Variants in SHCBP1 observed in about 807,000 individuals in gnomAD.
The protein encoded by SHCBP1 is SHC SH2 domain-binding protein 1.
SHCBP1 carries 60 observed loss-of-function variants against 75.1 expected under a neutral mutation model. The observed-to-expected ratio is 0.80, with a 90% CI of 0.65 to 0.99. The LOEUF is 0.99. Ranked by LOEUF, SHCBP1 falls within the 50% of genes least tolerant of loss-of-function variation. SHCBP1 has a pLI of 0.00. For synonymous variants in SHCBP1, 290 were observed against 293.2 expected (o/e 0.99, Z 0.11); for missense variants, 709 against 809.4 (o/e 0.88, Z 1.50).
chr16:46,615,014 C>T (rs1235815672), intron 4 of SHCBP1, among the ~76,000 whole-genome samples: 1 of 152,170 alleles, frequency 6.6e-6, no homozygotes. Context: ...ACCTCTCCTC[C>T]ACCTGTTTTG....
chr16:46,590,107 G>C (rs933742487), intron 10 of SHCBP1, among the ~76,000 whole-genome samples: 30 of 152,274 alleles, frequency 2.0e-4, no homozygotes, highest in African/African-American at 7.0e-4. Context: ...TGGGAAAACT[G>C]GCTAGTCATA....
chr16:46,586,263 A>T (rs1964953272), intron 10 of SHCBP1, among the ~76,000 whole-genome samples: 1 of 152,226 alleles, frequency 6.6e-6, no homozygotes. Flanking sequence ...CTCAGCAAAG[A>T]AGTAGATGAT....
rs1048843986 is a variant in SHCBP1 at position 46,595,732 on chromosome 16, T to G, written c.1346-62A>C. ...AATGTGCCTTTTCCAATGTTAGAGATAGCCTCGCGCTGACATTAGCTATGG... is the reference window on the plus strand; with the variant it reads ...AATGTGCCTTTTCCAATGTTAGAGAGAGCCTCGCGCTGACATTAGCTATGG... On this transcript the variant is annotated intron_variant, in intron 9 of 12. Transcript: ENST00000303383. The G allele has an allele frequency of 9.9e-6, 12 of 1,213,368 alleles. No homozygotes were observed. In the Admixed American group the frequency reaches 1.4e-4, roughly 15 times the overall value. The allele number at this position is 1,213,368 out of a possible 1,614,324, so 75.2% of individuals were successfully genotyped here. A position where few individuals can be genotyped will look rare whatever the true frequency, so the allele number is the denominator to read the frequency against.
intron 5 of SHCBP1, among the ~76,000 whole-genome samples, chr16:46,606,832 T>G (rs1965333190): frequency 6.6e-6 from 1 of 152,106 alleles, no homozygotes; most frequent in Non-Finnish European, 1.5e-5. Flanking sequence ...ACTTTTTTTT[T>G]TTTTTTGAGA....
chr16:46,584,336 G>A (rs1270192259), intron 10 of SHCBP1: 3 of 279,778 alleles, frequency 1.1e-5, no homozygotes, highest in African/African-American at 6.6e-5. Flanking sequence ...CACACGCTAA[G>A]AGTGCCAACA....
Position 46,582,120 on chromosome 16 carries a change from C to A in SHCBP1, c.1694-66G>T, listed in dbSNP as rs1964882147. The A allele has an allele frequency of 6.1e-6, 9 of 1,471,158 alleles. No individual in the cohort carries two copies. The South Asian group carries it at 1.1e-4, about 18-fold the overall frequency. 91.1% of individuals were successfully genotyped at this position (1,471,158 alleles called of 1,614,324 possible). ...GCTAACCCAACAAAAACATATATTTCTACACAGTCTTCTCAACAAGCAGCT... is the reference window on the plus strand; with the variant it reads ...GCTAACCCAACAAAAACATATATTTATACACAGTCTTCTCAACAAGCAGCT... On this transcript the variant is annotated intron_variant, in intron 12 of 12. Coordinates refer to ENST00000303383, the MANE Select transcript of SHCBP1 (RefSeq NM_024745.5).
chr16:46,590,649 TTAAAA>T (rs1965031076), intron 10 of SHCBP1, among the ~76,000 whole-genome samples: 1 of 152,148 alleles, frequency 6.6e-6, no homozygotes, highest in East Asian at 1.9e-4. Context: ...ATGGTGATCA[TTAAAA>T]AGTCAGGAAG....
At chr16:46,614,122 T>C (rs1490600470) in intron 4 of SHCBP1, among the ~76,000 whole-genome samples, 1 of 152,198 alleles carries the variant, frequency 6.6e-6, no homozygotes, top group East Asian at 1.9e-4. Flanking sequence ...ATTTTGGTTC[T>C]GGACAGAAAC....
At chr16:46,599,712 A>AAAAC in intron 9 of SHCBP1, 119 bp downstream of exon 9, 2 of 378,936 alleles carry the variant, frequency 5.3e-6, no homozygotes, top group South Asian at 6.7e-5. Flanking sequence ...GTGAAGTGCA[A>AAAAC]TAAAACAAGG....
In SHCBP1 at chr16:46,610,247, C is replaced by T. The variant is rs2143001371; in HGVS notation, c.597-1858G>A. On this transcript the variant is annotated intron_variant, in intron 4 of 12. Coordinates refer to ENST00000303383, the MANE Select transcript of SHCBP1 (RefSeq NM_024745.5). ...TATTTTGAACCAATCTCACACACAT[C>T]AAATCATTCACAAATTTTTAGTATG... is the stretch of plus-strand genomic sequence containing the variant. Among the ~76,000 whole-genome samples the T allele has an allele frequency of 1.3e-5, 2 of 152,242 alleles. 1 individual carries two copies. The highest frequency in any genetic ancestry group is 4.1e-4 in the South Asian group (2 of 4,824).
chr16:46,584,360 C>A, intron 10 of SHCBP1: 1 of 254,258 alleles, frequency 3.9e-6, no homozygotes. Flanking sequence ...GATTCTTGCT[C>A]TACTCTCTTT....
At chr16:46,584,233 AT>A in intron 10 of SHCBP1, 144 bp from the exon 11 acceptor site, 2 of 513,404 alleles carry the variant, frequency 3.9e-6, no homozygotes, top group Non-Finnish European at 3.4e-6. Context: ...TTTACCAGCC[AT>A]TTTTAATCAA....
At chr16:46,598,823 G>T (rs977643817) in intron 9 of SHCBP1, among the ~76,000 whole-genome samples, 2 of 152,162 alleles carry the variant, frequency 1.3e-5, no homozygotes, top group Non-Finnish European at 1.5e-5. Context: ...CACCTTCATC[G>T]ATTACCTTAG....
rs1441339897 is a variant in SHCBP1 at position 46,609,530 on chromosome 16, C to T, written c.597-1141G>A. ...GCAGTGGCGCCATCTTGGCTCACTG[C>T]AACCTCTGCCTCCTGGGTTCGAGCA... On this transcript the variant is annotated intron_variant, in intron 4 of 12. Coordinates refer to ENST00000303383, the MANE Select transcript of SHCBP1 (RefSeq NM_024745.5). Among the ~76,000 whole-genome samples the T allele has an allele frequency of 5.2e-5, 7 of 135,918 alleles. 1 individual carries two copies. The highest frequency in any genetic ancestry group is 1.9e-4 in the African/African-American group (7 of 36,752). 89.2% of individuals were successfully genotyped at this position (135,918 alleles called of 152,430 possible).
At position 46,615,079 on chromosome 16, in the gene SHCBP1, T is replaced by C. The variant is rs1027639033; in HGVS notation, c.596+867A>G. On this transcript the variant is annotated intron_variant, in intron 4 of 12. Coordinates refer to ENST00000303383, the MANE Select transcript of SHCBP1 (RefSeq NM_024745.5). ...ATCCCTCTTCTTCCTCTTCCTCCTC[T>C]GGTGAAGATGATGAGGATAAAGACC... is the stretch of plus-strand genomic sequence containing the variant. Among the ~76,000 whole-genome samples the C allele has an allele frequency of 1.9e-4, 29 of 152,192 alleles. 1 individual carries two copies. The highest frequency in any genetic ancestry group is 3.3e-4 in the Admixed American group (5 of 15,280).
At chr16:46,596,174 G>A (rs986142467) in intron 9 of SHCBP1, among the ~76,000 whole-genome samples, 1 of 151,986 alleles carries the variant, frequency 6.6e-6, no homozygotes, top group African/African-American at 2.4e-5. Flanking sequence ...TTACTGAAGG[G>A]TTAAGATTGC....
chr16:46,584,909 T>C (rs1481659738), intron 10 of SHCBP1, among the ~76,000 whole-genome samples: 2 of 152,212 alleles, frequency 1.3e-5, no homozygotes, highest in African/African-American at 2.4e-5. Context: ...GTATGTTCAG[T>C]TAATTTTCTA....
At chr16:46,585,207 GAA>G (rs1319855899) in intron 10 of SHCBP1, among the ~76,000 whole-genome samples, 1 of 152,140 alleles carries the variant, frequency 6.6e-6, no homozygotes, top group Non-Finnish European at 1.5e-5. Flanking sequence ...TGTAGCAAGT[GAA>G]AGTCATATTC....
chr16:46,589,918 T>A (rs1274764656), intron 10 of SHCBP1, among the ~76,000 whole-genome samples: 1 of 152,176 alleles, frequency 6.6e-6, no homozygotes, highest in African/African-American at 2.4e-5. Context: ...GACTTCAAAC[T>A]ATACTACAAG....
Sources: gnomAD v4.1 joint callset for allele counts (sites outside exome capture counted in the v4.1 genomes callset) on GRCh38, gnomAD v4.1.1 for gene constraint, MANE v1.5 for transcripts, NCBI Gene and HGNC (gene_info 2026-07-23, HGNC 2026-07-21) for gene names.